NT5C2: variants seen among roughly 807,000 people sequenced by gnomAD.
NT5C2 encodes the protein cytosolic purine 5'-nucleotidase.
In NT5C2, 58 loss-of-function variants were observed where a neutral mutation model predicts 76.1. That is an observed-to-expected ratio of 0.76 (90% confidence interval 0.62 to 0.95). NT5C2 has a LOEUF of 0.95. Among genes scored for constraint, NT5C2 ranks in the 40% least tolerant of loss-of-function variants. NT5C2 has a pLI of 0.00. For synonymous variants in NT5C2, 229 were observed against 237.4 expected, an observed-to-expected ratio of 0.96 and a Z score of 0.32; for missense variants, 478 against 690.3, an observed-to-expected ratio of 0.69 and a Z score of 3.45.
intron 1 of NT5C2, among the ~76,000 whole-genome samples, chr10:103,188,814 C>A (rs1238199221): frequency 1.3e-5 from 2 of 152,100 alleles, no homozygotes; most frequent in African/African-American, 4.8e-5. Flanking sequence ...CCAGCCTGGC[C>A]AACATGGTGA....
At chr10:103,129,256 G>T (rs1323873864) in intron 4 of NT5C2, among the ~76,000 whole-genome samples, 1 of 113,028 alleles carries the variant, frequency 8.8e-6, no homozygotes, top group African/African-American at 3.3e-5. Context: ...AGATGGGGGG[G>T]TCAGCCCCCC....
At chr10:103,167,678 C>A (rs768486063) in intron 3 of NT5C2, among the ~76,000 whole-genome samples, 4 of 152,000 alleles carry the variant, frequency 2.6e-5, no homozygotes, top group Non-Finnish European at 2.9e-5. Flanking sequence ...GTCACCTAGG[C>A]TGAAGTGCAG....
At chr10:103,171,884 C>A (rs2088114128) in intron 3 of NT5C2, among the ~76,000 whole-genome samples, 1 of 152,028 alleles carries the variant, frequency 6.6e-6, no homozygotes, top group Non-Finnish European at 1.5e-5. Flanking sequence ...CACAGCAAGA[C>A]CCCGTCTCTA....
intron 1 of NT5C2, among the ~76,000 whole-genome samples, chr10:103,191,996 TTC>T (rs2092679746): frequency 6.6e-6 from 1 of 152,158 alleles, no homozygotes; most frequent in Admixed American, 6.5e-5. Flanking sequence ...CCTATTTTTT[TTC>T]TCTTTTCGAA....
rs1214455237 is a variant in NT5C2, at chr10:103,090,641, G to A, written c.1419C>T (p.Phe473=). ...CATGGGCAGCCCTGAAGAGGTAGCT[G>A]AAAGGGTAATACAGCAGGTTGATGA... The part of the protein sequence containing the change: ...ASFINLLYYP[F]SYLFRAAHVL... Residue 473 remains phenylalanine (F), a synonymous_variant, in exon 18 of 19, where the codon TTC becomes TTT. Transcript: ENST00000404739. 1.1e-5 allele frequency: 17 copies of A among 1,614,084 alleles called. No homozygotes were observed. Among genetic ancestry groups the A allele is most frequent in the Middle Eastern group, 1.7e-4 (1 of 6,040 alleles).
chr10:103,128,340 T>C (rs1434980525), intron 4 of NT5C2, among the ~76,000 whole-genome samples: 1 of 146,522 alleles, frequency 6.8e-6, no homozygotes, highest in Non-Finnish European at 1.5e-5. Context: ...GGTGCCGGGA[T>C]TGCAGACGGA....
At chr10:103,186,468 A>G (rs1165953896) in intron 1 of NT5C2, among the ~76,000 whole-genome samples, 1 of 152,206 alleles carries the variant, frequency 6.6e-6, no homozygotes, top group Non-Finnish European at 1.5e-5. Context: ...CACATTTATC[A>G]CGTCAATTAA....
chr10:103,137,708 G>A (rs1265581002), intron 4 of NT5C2, among the ~76,000 whole-genome samples: 1 of 152,178 alleles, frequency 6.6e-6, no homozygotes, highest in Non-Finnish European at 1.5e-5. Flanking sequence ...ACACGTGCAA[G>A]CATATATGCT....
chr10:103,139,140 T>C (rs1035899099), intron 4 of NT5C2, among the ~76,000 whole-genome samples: 3 of 152,204 alleles, frequency 2.0e-5, no homozygotes, highest in Non-Finnish European at 4.4e-5. Flanking sequence ...CAATATATGA[T>C]TTTACCATAT....
chr10:103,108,865 T>C (rs2072140397), intron 4 of NT5C2, among the ~76,000 whole-genome samples: 1 of 152,092 alleles, frequency 6.6e-6, no homozygotes, highest in African/African-American at 2.4e-5. Context: ...TTTTTCTTTT[T>C]CTTTTTTTCT....
intron 3 of NT5C2, among the ~76,000 whole-genome samples, chr10:103,173,107 C>T (rs541498932): frequency 8.4e-4 from 128 of 152,212 alleles, no homozygotes; most frequent in African/African-American, 2.8e-3. Context: ...CTTTGGTCTA[C>T]CAAAGTGCTG....
chr10:103,185,609 T>C (rs2091910017), intron 1 of NT5C2, among the ~76,000 whole-genome samples: 1 of 135,846 alleles, frequency 7.4e-6, no homozygotes, highest in Non-Finnish European at 1.5e-5. Context: ...ATCGCACCAC[T>C]GCACACTCCA....
intron 18 of NT5C2, 87 bp downstream of exon 18, chr10:103,090,524 A>C: frequency 1.6e-6 from 2 of 1,223,814 alleles, no homozygotes; most frequent in South Asian, 1.5e-5. Flanking sequence ...AGAAATGTTC[A>C]AACTATCTCC....
intron 3 of NT5C2, among the ~76,000 whole-genome samples, chr10:103,168,557 T>C (rs1221197020): frequency 2.6e-5 from 4 of 152,234 alleles, no homozygotes; most frequent in African/African-American, 4.8e-5. Flanking sequence ...CAGGTCACTA[T>C]GACATCTGAG....
At chr10:103,175,881 T>C (rs1564630824) in intron 2 of NT5C2, 1 of 157,810 alleles carries the variant, frequency 6.3e-6, no homozygotes, top group Non-Finnish European at 1.4e-5. Flanking sequence ...GCAGTTCTTC[T>C]GCCTCTCAGC....
intron 2 of NT5C2, among the ~76,000 whole-genome samples, chr10:103,177,517 C>G (rs948831416): frequency 6.6e-6 from 1 of 152,054 alleles, no homozygotes; most frequent in African/African-American, 2.4e-5. Flanking sequence ...TCAATATATA[C>G]CTCCCTTCCT....
intron 18 of NT5C2, 130 bp downstream of exon 18, chr10:103,090,481 A>T: frequency 1.3e-6 from 1 of 764,372 alleles, no homozygotes; most frequent in South Asian, 2.0e-5. Context: ...TTATGCAACC[A>T]TATAACCTGC....
chr10:103,111,203 A>G (rs1168895695), intron 4 of NT5C2, among the ~76,000 whole-genome samples: 1 of 152,242 alleles, frequency 6.6e-6, no homozygotes, highest in Non-Finnish European at 1.5e-5. Flanking sequence ...ATAGCTTCAG[A>G]GTAAACATAA....
At chr10:103,153,053 A>G (rs1363589079) in intron 3 of NT5C2, among the ~76,000 whole-genome samples, 2 of 152,218 alleles carry the variant, frequency 1.3e-5, no homozygotes, top group Non-Finnish European at 2.9e-5. Flanking sequence ...CAAAGTACTT[A>G]TATCTTACAA....
Sources: gnomAD v4.1 joint callset for allele counts (sites outside exome capture counted in the v4.1 genomes callset) on GRCh38, gnomAD v4.1.1 for gene constraint, MANE v1.5 for transcripts, NCBI Gene and HGNC (gene_info 2026-07-23, HGNC 2026-07-21) for gene names.